The following PTPRG variants were observed in gnomAD, a reference collection of about 807,000 sequenced individuals.
PTPRG encodes receptor-type tyrosine-protein phosphatase gamma.
A neutral mutation model predicts 165.3 loss-of-function variants in PTPRG; 102 were observed. The ratio of observed to expected loss-of-function variants is 0.62; its 90% CI spans 0.53 to 0.73. The LOEUF (loss-of-function observed/expected upper bound fraction) is 0.73, where lower values mean the gene tolerates loss of function less well. Among genes scored for constraint, PTPRG ranks in the 30% least tolerant of loss-of-function variants. The probability of loss-of-function intolerance (pLI) is 0.00; values close to 1 mark genes in which losing one functional copy is unlikely to be tolerated. For synonymous variants in PTPRG, 675 were observed against 669.5 expected, an observed-to-expected ratio of 1.01 and a Z score of -0.13; for missense variants, 1,866 against 1,861.4, an observed-to-expected ratio of 1.00 and a Z score of -0.05.
chr3:62,278,628 C>T (rs1422144536), intron 26 of PTPRG, among the ~76,000 whole-genome samples: 2 of 151,946 alleles, frequency 1.3e-5, no homozygotes, highest in African/African-American at 2.4e-5. Context: ...GTGACTGAAC[C>T]CCCAGTCTTG....
intron 2 of PTPRG, among the ~76,000 whole-genome samples, chr3:61,895,945 C>A (rs1010106599): frequency 6.6e-5 from 10 of 152,148 alleles, no homozygotes; most frequent in African/African-American, 2.2e-4. Flanking sequence ...ATATACTTTG[C>A]CTAGTTTCCC....
intron 12 of PTPRG, among the ~76,000 whole-genome samples, chr3:62,205,634 C>T (rs1381219490): frequency 2.0e-5 from 3 of 152,072 alleles, no homozygotes; most frequent in Admixed American, 2.0e-4. Flanking sequence ...TTCTGGGCTG[C>T]AGGAACAGCA....
chr3:62,128,741 A>G (rs566553325), intron 5 of PTPRG, among the ~76,000 whole-genome samples: 19 of 149,546 alleles, frequency 1.3e-4, no homozygotes, highest in African/African-American at 4.7e-4. Flanking sequence ...TAGATGGAGA[A>G]TAAAATGTAA....
chr3:61,721,752 C>T (rs557854562), intron 1 of PTPRG, among the ~76,000 whole-genome samples: 6 of 152,054 alleles, frequency 3.9e-5, no homozygotes, highest in Non-Finnish European at 8.8e-5. Flanking sequence ...ACCTGGGATG[C>T]TCTCGGTTCA....
At chr3:61,612,380 C>T (rs1364132462) in intron 1 of PTPRG, among the ~76,000 whole-genome samples, 2 of 152,178 alleles carry the variant, frequency 1.3e-5, no homozygotes, top group Non-Finnish European at 2.9e-5. Context: ...CAATTCCATC[C>T]AGTTGAGCAA....
In PTPRG at chr3:62,297,250, G is replaced by C. The variant is rs1167047721; in HGVS notation, c.*3943G>C. ...TTTTTTTCCTTTTTGTGGTGGATAT[G>C]TGAATTCAACTTTCTGTGTATTGAA... On this transcript the variant is annotated 3_prime_UTR_variant, in exon 30 of 30. Transcript: ENST00000474889. 6.6e-6 allele frequency: 1 copy of C among 151,806 alleles called. No homozygotes were observed. The highest frequency in any genetic ancestry group is 6.6e-5 in the Admixed American group (1 of 15,230). 9.4% of individuals were successfully genotyped at this position (151,806 alleles called of 1,614,324 possible).
intron 15 of PTPRG, among the ~76,000 whole-genome samples, chr3:62,244,202 TA>T (rs1322077676): frequency 2.0e-5 from 3 of 152,240 alleles, no homozygotes; most frequent in African/African-American, 7.2e-5. Context: ...CACATTTTTT[TA>T]AAGGTGATAT....
intron 2 of PTPRG, among the ~76,000 whole-genome samples, chr3:61,814,193 G>A (rs1471628263): frequency 2.0e-5 from 3 of 152,176 alleles, no homozygotes; most frequent in South Asian, 4.1e-4. Flanking sequence ...GAGCCACAGC[G>A]CCCAGCTGAG....
intron 20 of PTPRG, among the ~76,000 whole-genome samples, chr3:62,269,498 A>G (rs563936238): frequency 1.3e-5 from 2 of 152,276 alleles, no homozygotes; most frequent in African/African-American, 4.8e-5. Flanking sequence ...ATTTTCTGAC[A>G]GATATAAAGC....
At chr3:61,702,764 T>C (rs1207967289) in intron 1 of PTPRG, among the ~76,000 whole-genome samples, 1 of 152,246 alleles carries the variant, frequency 6.6e-6, no homozygotes, top group Non-Finnish European at 1.5e-5. Flanking sequence ...CTCTTTTGGG[T>C]CTGTCTGCTT....
chr3:62,191,479 T>C lies in PTPRG; in HGVS notation c.1044T>C (p.Ser348=), dbSNP rs1189159791. ...CCTGTGTATCTTCAGTTTGCAGCTC[T>C]CCACCCATCCACATGAAGGTGCAGC... ...LGTEASKVCS[S]PPIHMKVQPL... The change falls in exon 9 of 30, where the codon TCT becomes TCC. Residue 348 remains serine (S), a synonymous_variant. Transcript: ENST00000474889. The C allele has an allele frequency of 6.2e-7, 1 of 1,613,794 alleles. No homozygotes were observed. Among genetic ancestry groups the C allele is most frequent in the Non-Finnish European group, 8.5e-7 (1 of 1,179,942 alleles).
At chr3:62,280,159 A>T (rs1000191173) in intron 26 of PTPRG, among the ~76,000 whole-genome samples, 1 of 152,060 alleles carries the variant, frequency 6.6e-6, no homozygotes, top group Non-Finnish European at 1.5e-5. Context: ...TATAACATTG[A>T]CAGATTTCTT....
chr3:61,806,942 T>C (rs2035436999), intron 2 of PTPRG, among the ~76,000 whole-genome samples: 1 of 152,218 alleles, frequency 6.6e-6, no homozygotes, highest in African/African-American at 2.4e-5. Context: ...ACCACAGCTT[T>C]TGTCACTTCA....
chr3:61,987,008 T>G (rs1262957682), intron 2 of PTPRG, among the ~76,000 whole-genome samples: 1 of 152,178 alleles, frequency 6.6e-6, no homozygotes, highest in African/African-American at 2.4e-5. Flanking sequence ...CTGCAAATGA[T>G]TAATGGTATA....
chr3:61,972,513 G>C (rs1389361329), intron 2 of PTPRG, among the ~76,000 whole-genome samples: 1 of 152,108 alleles, frequency 6.6e-6, no homozygotes, highest in Non-Finnish European at 1.5e-5. Flanking sequence ...AGAGAGTCAG[G>C]TTAGGAGACA....
chr3:61,612,369 A>G (rs112317340), intron 1 of PTPRG, among the ~76,000 whole-genome samples: 46 of 152,228 alleles, frequency 3.0e-4, no homozygotes, highest in Admixed American at 3.0e-3. Flanking sequence ...TCGTGACTCT[A>G]CAATTCCATC....
chr3:61,644,459 T>G (rs1157262955), intron 1 of PTPRG, among the ~76,000 whole-genome samples: 1 of 152,160 alleles, frequency 6.6e-6, no homozygotes, highest in African/African-American at 2.4e-5. Context: ...TCAGAAGTGA[T>G]TCTGAAGCCC....
intron 5 of PTPRG, among the ~76,000 whole-genome samples, chr3:62,080,347 A>G (rs1701528855): frequency 1.3e-5 from 2 of 151,766 alleles, no homozygotes; most frequent in African/African-American, 2.4e-5. Context: ...AAGTGCTGGG[A>G]TTACAGGTGT....
At chr3:61,570,542 T>G (rs1339663719) in intron 1 of PTPRG, among the ~76,000 whole-genome samples, 1 of 152,216 alleles carries the variant, frequency 6.6e-6, no homozygotes, top group Non-Finnish European at 1.5e-5. Flanking sequence ...GATATACTTT[T>G]GAGGAATTCA....
Sources: allele counts gnomAD v4.1 joint callset (sites outside exome capture counted in the v4.1 genomes callset), GRCh38; gene constraint gnomAD v4.1.1; transcripts MANE v1.5; gene names NCBI Gene and HGNC (gene_info 2026-07-23, HGNC 2026-07-21).